TMEM132C: variants seen among roughly 807,000 people sequenced by gnomAD.
TMEM132C encodes transmembrane protein 132C, also known as protein phosphatase 1, regulatory subunit 152.
A neutral mutation model predicts 61.4 loss-of-function variants in TMEM132C; 29 were observed. That is an observed-to-expected ratio of 0.47 (90% CI 0.35 to 0.64). TMEM132C has a LOEUF of 0.64. Ranked by LOEUF, TMEM132C falls within the 30% of genes least tolerant of loss-of-function variation. The pLI is 0.00. For synonymous variants in TMEM132C, 656 were observed against 633.1 expected, an observed-to-expected ratio of 1.04 and a Z score of -0.54; for missense variants, 1,408 against 1,476.9, an observed-to-expected ratio of 0.95 and a Z score of 0.76.
At chr12:128,625,002 G>T (rs537710170) in intron 4 of TMEM132C, among the ~76,000 whole-genome samples, 1 of 152,128 alleles carries the variant, frequency 6.6e-6, no homozygotes, top group Non-Finnish European at 1.5e-5. Flanking sequence ...AGCAAGGGAG[G>T]GGGGTGACCC....
intron 2 of TMEM132C, among the ~76,000 whole-genome samples, chr12:128,505,910 C>T (rs1872341303): frequency 2.6e-5 from 1 of 38,620 alleles, no homozygotes; most frequent in Non-Finnish European, 5.5e-5. Flanking sequence ...ATGGCACTTG[C>T]ATTCCACAGA....
At chr12:128,462,055 G>A (rs1870549704) in intron 2 of TMEM132C, among the ~76,000 whole-genome samples, 2 of 152,084 alleles carry the variant, frequency 1.3e-5, no homozygotes, top group Admixed American at 1.3e-4. Flanking sequence ...TTGGAGCTCT[G>A]GGAATGAATA....
At chr12:128,566,541 G>A (rs1593102255) in intron 3 of TMEM132C, among the ~76,000 whole-genome samples, 1 of 152,204 alleles carries the variant, frequency 6.6e-6, no homozygotes, top group East Asian at 1.9e-4. Flanking sequence ...GATCCTGGCT[G>A]TTGGTATTTG....
intron 3 of TMEM132C, among the ~76,000 whole-genome samples, chr12:128,573,898 CA>C (rs10689177): frequency 1.9e-4 from 27 of 142,752 alleles, no homozygotes; most frequent in South Asian, 2.2e-4. Context: ...TTTTTGCAAT[CA>C]AAAAAAAAAA....
At chr12:128,479,745 A>G (rs1871263933) in intron 2 of TMEM132C, among the ~76,000 whole-genome samples, 1 of 152,144 alleles carries the variant, frequency 6.6e-6, no homozygotes, top group Admixed American at 6.5e-5. Flanking sequence ...TCTGCTGCTT[A>G]TTTGCAATGT....
intron 4 of TMEM132C, among the ~76,000 whole-genome samples, chr12:128,643,103 A>G (rs1280512692): frequency 1.3e-5 from 2 of 151,992 alleles, no homozygotes; most frequent in Admixed American, 1.3e-4. Context: ...CTTCCCCTTA[A>G]TCACTTCAAA....
intron 1 of TMEM132C, among the ~76,000 whole-genome samples, chr12:128,317,362 A>G (rs745706243): frequency 2.4e-4 from 37 of 152,230 alleles, no homozygotes; most frequent in Admixed American, 1.1e-3. Context: ...ATGTTTATCA[A>G]TTGTTTAGGG....
At chr12:128,413,900 G>A (rs1369674292) in intron 1 of TMEM132C, among the ~76,000 whole-genome samples, 1 of 152,086 alleles carries the variant, frequency 6.6e-6, no homozygotes, top group African/African-American at 2.4e-5. Context: ...TAGATTTTGA[G>A]TCATAATTGT....
intron 1 of TMEM132C, among the ~76,000 whole-genome samples, chr12:128,309,277 G>A (rs1441019264): frequency 6.6e-6 from 1 of 152,146 alleles, no homozygotes; most frequent in African/African-American, 2.4e-5. Flanking sequence ...TATGACACTT[G>A]GCAAATCAGC....
intron 2 of TMEM132C, among the ~76,000 whole-genome samples, chr12:128,461,683 A>G (rs1269116693): frequency 6.6e-6 from 1 of 151,962 alleles, no homozygotes; most frequent in Non-Finnish European, 1.5e-5. Context: ...TCAGGATCTC[A>G]TAGGCCTGTG....
chr12:128,374,323 A>G (rs1293465900), intron 1 of TMEM132C, among the ~76,000 whole-genome samples: 2 of 152,144 alleles, frequency 1.3e-5, no homozygotes, highest in Non-Finnish European at 2.9e-5. Context: ...TGAGGGAAGA[A>G]GAGGTGTCAA....
chr12:128,370,714 C>T (rs1874002517), intron 1 of TMEM132C, among the ~76,000 whole-genome samples: 1 of 152,066 alleles, frequency 6.6e-6, no homozygotes, highest in Non-Finnish European at 1.5e-5. Context: ...GATGGTGCAT[C>T]TGTAAGAGTC....
intron 2 of TMEM132C, among the ~76,000 whole-genome samples, chr12:128,416,944 G>A (rs1405222402): frequency 6.6e-6 from 1 of 152,166 alleles, no homozygotes; most frequent in East Asian, 1.9e-4. Context: ...CATTTGCATT[G>A]TGAACCTTGG....
chr12:128,383,652 C>T (rs1036085233), intron 1 of TMEM132C, among the ~76,000 whole-genome samples: 3 of 152,184 alleles, frequency 2.0e-5, no homozygotes, highest in African/African-American at 7.2e-5. Flanking sequence ...CTTCCCCAGT[C>T]CTTGTCTTTG....
intron 1 of TMEM132C, among the ~76,000 whole-genome samples, chr12:128,317,866 C>A (rs1276523276): frequency 6.6e-6 from 1 of 152,136 alleles, no homozygotes; most frequent in Admixed American, 6.5e-5. Flanking sequence ...CCACTGTACT[C>A]CATCCTGGGT....
At chr12:128,411,939 A>G (rs1246397887) in intron 1 of TMEM132C, among the ~76,000 whole-genome samples, 1 of 152,180 alleles carries the variant, frequency 6.6e-6, no homozygotes, top group African/African-American at 2.4e-5. Context: ...CGGGTTCACA[A>G]TATGTTTCTT....
chr12:128,521,761 G>A (rs1872913969), intron 2 of TMEM132C, among the ~76,000 whole-genome samples: 2 of 152,248 alleles, frequency 1.3e-5, no homozygotes, highest in South Asian at 4.2e-4. Flanking sequence ...CATAGCTCAA[G>A]AGCGGAATCT....
chr12:128,606,226 C>A (rs1876418445), intron 3 of TMEM132C, among the ~76,000 whole-genome samples: 1 of 152,254 alleles, frequency 6.6e-6, no homozygotes, highest in African/African-American at 2.4e-5. Flanking sequence ...GAGGCCCATG[C>A]AGGCCACCTG....
intron 3 of TMEM132C, among the ~76,000 whole-genome samples, chr12:128,566,461 A>G (rs1405621097): frequency 6.6e-6 from 1 of 152,198 alleles, no homozygotes; most frequent in Non-Finnish European, 1.5e-5. Context: ...GGGTTGGTTC[A>G]ACCATTACCT....
Sources: allele counts gnomAD v4.1 joint callset (sites outside exome capture counted in the v4.1 genomes callset), GRCh38; gene constraint gnomAD v4.1.1; transcripts MANE v1.5; gene names NCBI Gene and HGNC (gene_info 2026-07-23, HGNC 2026-07-21).